TC2N: variants seen among roughly 807,000 people sequenced by gnomAD.
TC2N encodes tandem C2 domains, nuclear, also known as tandem C2 domains nuclear protein.
TC2N carries 51 observed loss-of-function variants against 61.9 expected under a neutral mutation model. That is an observed-to-expected ratio of 0.82 (90% CI 0.66 to 1.04). The LOEUF is 1.04. Among genes scored for constraint, TC2N ranks in the 50% least tolerant of loss-of-function variants. The probability of loss-of-function intolerance (pLI) is 0.00; values close to 1 mark genes in which losing one functional copy is unlikely to be tolerated. For missense variants in TC2N, 556 were observed against 566.7 expected, an observed-to-expected ratio of 0.98 and a Z score of 0.19; for synonymous variants, 204 against 192.6, an observed-to-expected ratio of 1.06 and a Z score of -0.49.
At chr14:91,796,857 G>C (rs1239322633) in intron 8 of TC2N, among the ~76,000 whole-genome samples, 2 of 152,024 alleles carry the variant, frequency 1.3e-5, no homozygotes. Flanking sequence ...GGTAGCCCTA[G>C]GAAACTAATA....
chr14:91,816,296 T>A (rs1886997932), intron 1 of TC2N, among the ~76,000 whole-genome samples: 1 of 151,814 alleles, frequency 6.6e-6, no homozygotes. Context: ...AACTGATGCT[T>A]AATACCATGG....
intron 1 of TC2N, among the ~76,000 whole-genome samples, chr14:91,832,925 T>C (rs1284221013): frequency 3.9e-5 from 6 of 152,088 alleles, no homozygotes; most frequent in African/African-American, 1.2e-4. Context: ...CTACAACACA[T>C]CAGCATGAAG....
At chr14:91,795,115 T>C (rs987140323) in intron 8 of TC2N, among the ~76,000 whole-genome samples, 18 of 152,098 alleles carry the variant, frequency 1.2e-4, no homozygotes, top group African/African-American at 4.3e-4. Flanking sequence ...ATCCTGAAGA[T>C]GCAATTGAAT....
intron 10 of TC2N, 48 bp from the exon 11 acceptor site, chr14:91,785,409 T>A: frequency 6.9e-7 from 1 of 1,439,364 alleles, no homozygotes; most frequent in Non-Finnish European, 9.8e-7. Flanking sequence ...CAAAATACCA[T>A]ATAAAGATGT....
At chr14:91,849,991 G>A (rs1030271210) in intron 1 of TC2N, among the ~76,000 whole-genome samples, 8 of 149,892 alleles carry the variant, frequency 5.3e-5, no homozygotes, top group African/African-American at 1.7e-4. Context: ...GGAGGTTGCA[G>A]TGAGCCCAAA....
At chr14:91,813,386 T>C (rs576892025) in intron 2 of TC2N, among the ~76,000 whole-genome samples, 177 of 151,950 alleles carry the variant, frequency 1.2e-3, no homozygotes, top group African/African-American at 4.2e-3. Context: ...GCCTGTACTA[T>C]TTCATCCACC....
intron 9 of TC2N, among the ~76,000 whole-genome samples, chr14:91,789,170 A>G (rs550218587): frequency 6.6e-6 from 1 of 152,352 alleles, no homozygotes; most frequent in South Asian, 2.1e-4. Context: ...TTGTTACACA[A>G]TTGTAGAGTT....
chr14:91,852,792 G>T (rs977991028), intron 1 of TC2N, among the ~76,000 whole-genome samples: 1 of 152,152 alleles, frequency 6.6e-6, no homozygotes, highest in African/African-American at 2.4e-5. Context: ...GGTAGAGTTG[G>T]CCAGGCATAG....
intron 2 of TC2N, among the ~76,000 whole-genome samples, chr14:91,813,279 A>C (rs1886860874): frequency 6.6e-6 from 1 of 151,758 alleles, no homozygotes; most frequent in African/African-American, 2.4e-5. Flanking sequence ...AGGCATTTTT[A>C]ATGTTATACA....
Position 91,792,571 on chromosome 14 carries a change from ACAAG to A in TC2N, c.856-17_856-14del. On this transcript the variant is annotated splice_polypyrimidine_tract_variant and intron_variant, in intron 8 of 11. Transcript: ENST00000435962. ...TAAATTCAATAGCCTTAAAAAAAAAACAAGAAAACATAAAATATATAAATAAAAG... is the reference window on the plus strand; with the variant it reads ...TAAATTCAATAGCCTTAAAAAAAAAAAAAACATAAAATATATAAATAAAAG... 2.2e-6 allele frequency: 3 copies of A among 1,348,050 alleles called. No individual in the cohort carries two copies. Among genetic ancestry groups the A allele is most frequent in the Non-Finnish European group, 3.0e-6 (3 of 986,240 alleles). The allele number at this position is 1,348,050 out of a possible 1,614,324, so 83.5% of individuals were successfully genotyped here. A position where few individuals can be genotyped will look rare whatever the true frequency, so the allele number is the denominator to read the frequency against.
rs149630818 is a variant in TC2N at position 91,849,684 on chromosome 14, G to A, written c.-57+17578C>T. 8.1e-3 allele frequency among the ~76,000 whole-genome samples: 1,231 copies of A among 152,208 alleles called. 18 individuals carry two copies. Among genetic ancestry groups the A allele is most frequent in the African/African-American group, 0.028 (1,151 of 41,514 alleles). On this transcript the variant is annotated intron_variant, in intron 1 of 11. Coordinates refer to ENST00000435962, the MANE Select transcript of TC2N (RefSeq NM_001128596.3). ...AACTGAGTCTTTAGCATTTTTATTC[G>A]ACTATGATTTGCATAAATGTTTATT...
chr14:91,810,016 T>C (rs908315685), intron 3 of TC2N, among the ~76,000 whole-genome samples: 91 of 152,176 alleles, frequency 6.0e-4, no homozygotes, highest in African/African-American at 2.1e-3. Context: ...ATTTGCTTGC[T>C]GTTTTGTAGT....
chr14:91,827,077 GAT>G (rs1189658167), intron 1 of TC2N, among the ~76,000 whole-genome samples: 1 of 152,032 alleles, frequency 6.6e-6, no homozygotes, highest in Non-Finnish European at 1.5e-5. Context: ...ATAACTGGCT[GAT>G]ATATATATGA....
chr14:91,797,505 A>G (rs1015186766), intron 8 of TC2N, among the ~76,000 whole-genome samples: 6 of 151,930 alleles, frequency 3.9e-5, no homozygotes, highest in Admixed American at 3.9e-4. Context: ...GCCAAGATTT[A>G]TTTCCTTTCA....
intron 1 of TC2N, among the ~76,000 whole-genome samples, chr14:91,849,618 T>C (rs962720731): frequency 6.6e-6 from 1 of 152,262 alleles, no homozygotes; most frequent in African/African-American, 2.4e-5. Context: ...AGAGATTTAA[T>C]ATGAGTACTC....
At chr14:91,787,656 G>T in intron 9 of TC2N, 29 bp from the exon 10 acceptor site, 1 of 1,340,150 alleles carries the variant, frequency 7.5e-7, no homozygotes. Context: ...TCATTTGGTA[G>T]TTAAGAATAA....
rs557759696 is a variant in TC2N, at chr14:91,802,421, C to T, written c.302G>A (p.Gly101Glu). The change falls in exon 4 of 12, where the codon GGA becomes GAA. Residue 101 changes from glycine (G) to glutamate (E), a missense_variant and splice_region_variant. Coordinates refer to ENST00000435962, the MANE Select transcript of TC2N (RefSeq NM_001128596.3). ...ATCTCCAAAAGATGCTCTGGCAGAT[C>T]CTGAAAGCAAATGTTTCTAAAAGTT... is the stretch of plus-strand genomic sequence containing the variant. ...ETPSHLEELE[G>E]SARASFGDRK... 25 of 1,608,624 alleles carry T rather than the reference C, an allele frequency of 1.6e-5. No individual in the cohort carries two copies. In the South Asian group the frequency reaches 2.8e-4, roughly 18 times the overall value.
intron 4 of TC2N, 82 bp downstream of exon 4, chr14:91,802,172 C>T: frequency 1.6e-6 from 2 of 1,272,026 alleles, no homozygotes; most frequent in Non-Finnish European, 1.0e-6. Flanking sequence ...TAGTAAAAAT[C>T]ATTTATTCCC....
chr14:91,789,419 C>CTGTCT (rs1382282198), intron 9 of TC2N, among the ~76,000 whole-genome samples: 1 of 150,458 alleles, frequency 6.6e-6, no homozygotes, highest in Admixed American at 6.6e-5. Flanking sequence ...CGGTGAAACC[C>CTGTCT]TGTCTCTACT....
Sources: gnomAD v4.1 joint callset for allele counts (sites outside exome capture counted in the v4.1 genomes callset) on GRCh38, gnomAD v4.1.1 for gene constraint, MANE v1.5 for transcripts, NCBI Gene and HGNC (gene_info 2026-07-23, HGNC 2026-07-21) for gene names.